SEC22A: variants seen among roughly 807,000 people sequenced by gnomAD.
The protein encoded by SEC22A is vesicle-trafficking protein SEC22a.
SEC22A carries 22 observed loss-of-function variants against 35.3 expected under a neutral mutation model. The ratio of observed to expected loss-of-function variants is 0.62; its 90% CI spans 0.45 to 0.89. The LOEUF is 0.89. Among genes scored for constraint, SEC22A ranks in the 40% least tolerant of loss-of-function variants. The pLI, the probability that SEC22A is intolerant of heterozygous loss-of-function variation, is 0.00. For missense variants in SEC22A, 354 were observed against 362.5 expected (o/e 0.98, Z 0.19); for synonymous variants, 119 against 129.5 (o/e 0.92, Z 0.55).
intron 6 of SEC22A, among the ~76,000 whole-genome samples, chr3:123,269,440 T>C (rs916821503): frequency 3.3e-5 from 5 of 151,962 alleles, no homozygotes; most frequent in African/African-American, 1.2e-4. Context: ...GCAAAGGGAA[T>C]AGATACCACC....
Position 123,213,859 on chromosome 3 carries a change from G to A in SEC22A, c.182+4460G>A, listed in dbSNP as rs1057480454. Among the ~76,000 whole-genome samples, 441 of 150,532 alleles carry A rather than the reference G, an allele frequency of 2.9e-3. 3 individuals carry two copies. The highest frequency in any genetic ancestry group is 1.0e-2 in the African/African-American group (410 of 41,052). On this transcript the variant is annotated intron_variant, in intron 2 of 6. Transcript: ENST00000492595. ...GGCAAGGGAAGACCAGAGTTTGAAG[G>A]AAAAAAAAATCAGGGGAGTAACATT...
At position 123,225,239 on chromosome 3, in the gene SEC22A, C is replaced by T; in HGVS notation, c.483C>T (p.Ala161=). The change falls in exon 4 of 7, where the codon GCC becomes GCT. Residue 161 remains alanine, a synonymous_variant. Transcript: ENST00000492595. ...YQISMCELGS[A]NGVTSAFSVD... is the part of the protein sequence containing the mutation. Reference sequence around the variant, plus strand: ...TTTCCATGTGCGAACTGGGGTCAGCCAATGGAGTCACATCAGCATTTTCTG... The same window carrying T: ...TTTCCATGTGCGAACTGGGGTCAGCTAATGGAGTCACATCAGCATTTTCTG... 6.2e-7 allele frequency: 1 copy of T among 1,613,454 alleles called. No homozygotes were observed. Among genetic ancestry groups the T allele is most frequent in the South Asian group, 1.1e-5 (1 of 91,038 alleles).
At chr3:123,219,238 G>C (rs1031858219) in intron 2 of SEC22A, among the ~76,000 whole-genome samples, 1 of 152,170 alleles carries the variant, frequency 6.6e-6, no homozygotes, top group Non-Finnish European at 1.5e-5. Context: ...AATGTAGAGA[G>C]GGAGGAGTAA....
chr3:123,202,927 G>T (rs1936775334), intron 1 of SEC22A, among the ~76,000 whole-genome samples: 1 of 151,946 alleles, frequency 6.6e-6, no homozygotes, highest in Non-Finnish European at 1.5e-5. Flanking sequence ...TGCCTTAAAC[G>T]GTACCTACAA....
In SEC22A at chr3:123,225,185, G is replaced by A. The variant is rs776326261; in HGVS notation, c.429G>A (p.Thr143=). ...STKINLSDMQ[T]EIKLRPPYQI... is the part of the protein sequence containing the mutation. The stretch of plus-strand genomic sequence containing the variant: ...AGATAAATCTTTCTGACATGCAGAC[G>A]GAAATCAAGCTGAGGCCTCCTTATC... The change falls in exon 4 of 7, where the codon ACG becomes ACA. Residue 143 remains threonine, a synonymous_variant. Transcript: ENST00000492595. 1.4e-5 allele frequency: 22 copies of A among 1,613,244 alleles called. No homozygotes were observed. The African/African-American group carries it at 1.6e-4, about 12-fold the overall frequency.
intron 4 of SEC22A, among the ~76,000 whole-genome samples, chr3:123,229,074 G>A (rs1937266642): frequency 6.6e-6 from 1 of 152,144 alleles, no homozygotes; most frequent in Admixed American, 6.5e-5. Context: ...AAATATTTGA[G>A]GAAATAATGG....
chr3:123,243,134 A>T (rs1490036565), intron 4 of SEC22A, among the ~76,000 whole-genome samples: 1 of 152,016 alleles, frequency 6.6e-6, no homozygotes, highest in Admixed American at 6.6e-5. Flanking sequence ...AATGCCCTAT[A>T]GCAGAATGGC....
intron 2 of SEC22A, among the ~76,000 whole-genome samples, chr3:123,222,283 C>T (rs1937138038): frequency 6.6e-6 from 1 of 152,084 alleles, no homozygotes; most frequent in Admixed American, 6.6e-5. Context: ...TTTGCAACCT[C>T]CACCTCCTGG....
intron 2 of SEC22A, 137 bp from the exon 3 acceptor site, chr3:123,223,422 C>T: frequency 1.6e-6 from 1 of 643,000 alleles, no homozygotes; most frequent in Non-Finnish European, 2.5e-6. Context: ...TAAATTTTTT[C>T]CTAGAATATA....
chr3:123,248,610 A>G (rs571770351), intron 5 of SEC22A, among the ~76,000 whole-genome samples: 1 of 152,246 alleles, frequency 6.6e-6, no homozygotes, highest in Non-Finnish European at 1.5e-5. Context: ...GAGATATTCC[A>G]TGTTTATAGA....
At chr3:123,240,443 A>C (rs1244410912) in intron 4 of SEC22A, among the ~76,000 whole-genome samples, 1 of 152,244 alleles carries the variant, frequency 6.6e-6, no homozygotes, top group Non-Finnish European at 1.5e-5. Flanking sequence ...GCATGATGTC[A>C]TACATACATG....
At chr3:123,224,572 G>A (rs1039511696) in intron 3 of SEC22A, among the ~76,000 whole-genome samples, 8 of 152,150 alleles carry the variant, frequency 5.3e-5, no homozygotes, top group Non-Finnish European at 1.2e-4. Flanking sequence ...GAGGCAGTAG[G>A]ATCACTTAAG....
At chr3:123,223,301 A>C (rs961873012) in intron 2 of SEC22A, among the ~76,000 whole-genome samples, 4 of 152,196 alleles carry the variant, frequency 2.6e-5, no homozygotes, top group Non-Finnish European at 4.4e-5. Flanking sequence ...TTTTACCCCA[A>C]GTGATAACTG....
intron 2 of SEC22A, among the ~76,000 whole-genome samples, chr3:123,211,322 G>C (rs900054393): frequency 2.0e-5 from 3 of 152,268 alleles, no homozygotes; most frequent in East Asian, 1.9e-4. Context: ...TGGAATACCA[G>C]AGATGAAAAG....
In SEC22A at chr3:123,245,996, T is replaced by C; in HGVS notation, c.639T>C (p.Ala213=). Residue 213 remains alanine (A), a synonymous_variant, in exon 5 of 7, where the codon GCT becomes GCC. Transcript: ENST00000492595. ...GALNLIRGFH[A]IESLLQSDGD... ...TGAATTTAATTCGAGGCTTTCATGCTATAGAAAGTCTCCTGCAGGTACTGT... is the reference window on the plus strand; with the variant it reads ...TGAATTTAATTCGAGGCTTTCATGCCATAGAAAGTCTCCTGCAGGTACTGT... The C allele has an allele frequency of 5.6e-6, 9 of 1,602,982 alleles. No individual in the cohort carries two copies. The highest frequency in any genetic ancestry group is 7.7e-6 in the Non-Finnish European group (9 of 1,169,930).
chr3:123,256,757 C>CCTT (rs139315516), intron 5 of SEC22A, among the ~76,000 whole-genome samples: 28,884 of 137,936 alleles, frequency 0.21, 3,549 homozygotes, highest in Middle Eastern at 0.29. Context: ...CTTTTTCTTT[C>CCTT]CTTTTTTTTT....
At chr3:123,235,020 CA>C (rs535445052) in intron 4 of SEC22A, among the ~76,000 whole-genome samples, 41,472 of 121,460 alleles carry the variant, frequency 0.34, 6,030 homozygotes, top group African/African-American at 0.42. Context: ...GACCTTGTCT[CA>C]AAAAAAAAAA....
chr3:123,260,891 A>G (rs1009140291), intron 6 of SEC22A, among the ~76,000 whole-genome samples: 5 of 143,186 alleles, frequency 3.5e-5, no homozygotes, highest in African/African-American at 5.3e-5. Flanking sequence ...GCTGGAGTGC[A>G]GTTGTGCGAT....
intron 2 of SEC22A, among the ~76,000 whole-genome samples, chr3:123,213,165 T>C (rs1936967745): frequency 6.6e-6 from 1 of 152,166 alleles, no homozygotes. Flanking sequence ...AAACAGAAGT[T>C]CTAGTTCTAG....
Sources: gnomAD v4.1 joint callset for allele counts (sites outside exome capture counted in the v4.1 genomes callset) on GRCh38, gnomAD v4.1.1 for gene constraint, MANE v1.5 for transcripts, NCBI Gene and HGNC (gene_info 2026-07-23, HGNC 2026-07-21) for gene names.